Variants in FAM168A observed in about 807,000 individuals in gnomAD.
FAM168A encodes family with sequence similarity 168 member A.
A neutral mutation model predicts 28.5 loss-of-function variants in FAM168A; 3 were observed. The observed-to-expected ratio is 0.11, with a 90% CI of 0.05 to 0.27. The LOEUF (loss-of-function observed/expected upper bound fraction) is 0.27, where lower values mean the gene tolerates loss of function less well. Ranked by LOEUF, FAM168A falls within the 10% of genes least tolerant of loss-of-function variation. The pLI, the probability that FAM168A is intolerant of heterozygous loss-of-function variation, is 1.00. For synonymous variants in FAM168A, 122 were observed against 124.2 expected (o/e 0.98, Z 0.12); for missense variants, 222 against 311.5 (o/e 0.71, Z 2.16).
chr11:73,431,071 C>T (rs1231859220), intron 2 of FAM168A, among the ~76,000 whole-genome samples: 1 of 152,062 alleles, frequency 6.6e-6, no homozygotes, highest in East Asian at 1.9e-4. Flanking sequence ...TGGCCAGGCA[C>T]GGTGGCTCAT....
intron 1 of FAM168A, among the ~76,000 whole-genome samples, chr11:73,572,445 T>C (rs1590741058): frequency 1.3e-5 from 2 of 151,726 alleles, no homozygotes; most frequent in African/African-American, 2.4e-5. Flanking sequence ...GGGGGAAAGG[T>C]GGGGAAAAGA....
At chr11:73,524,346 T>C (rs1943424116) in intron 1 of FAM168A, among the ~76,000 whole-genome samples, 1 of 152,056 alleles carries the variant, frequency 6.6e-6, no homozygotes, top group Non-Finnish European at 1.5e-5. Flanking sequence ...ATGATTTCTT[T>C]CACTTCATAA....
intron 4 of FAM168A, among the ~76,000 whole-genome samples, chr11:73,419,522 T>C (rs768809402): frequency 5.9e-5 from 9 of 152,206 alleles, no homozygotes; most frequent in Non-Finnish European, 1.2e-4. Flanking sequence ...TAAGAAGCCC[T>C]GTGCTAGAGG....
At chr11:73,409,859 A>T (rs1234113337) in intron 5 of FAM168A, among the ~76,000 whole-genome samples, 198 bp from the exon 6 acceptor site, 3 of 152,214 alleles carry the variant, frequency 2.0e-5, no homozygotes, top group Admixed American at 2.0e-4. Context: ...TGCCTTGCTC[A>T]TAAGGCTGCT....
chr11:73,467,757 G>T (rs1867758037), intron 2 of FAM168A, among the ~76,000 whole-genome samples: 1 of 152,178 alleles, frequency 6.6e-6, no homozygotes, highest in African/African-American at 2.4e-5. Context: ...AACTGGAAAG[G>T]GGAAAAGCAA....
chr11:73,465,981 G>A (rs1198972482), intron 2 of FAM168A, among the ~76,000 whole-genome samples: 1 of 152,122 alleles, frequency 6.6e-6, no homozygotes, highest in Non-Finnish European at 1.5e-5. Context: ...GAGAGAGAGA[G>A]AGAGAAAGAA....
chr11:73,425,038 GAACTGA>G, intron 3 of FAM168A: 3 of 1,530,886 alleles, frequency 2.0e-6, no homozygotes, highest in Non-Finnish European at 2.6e-6. Flanking sequence ...CTGAATGCAG[GAACTGA>G]AACTCTGTTG....
At chr11:73,533,937 T>C (rs923552226) in intron 1 of FAM168A, among the ~76,000 whole-genome samples, 5 of 152,170 alleles carry the variant, frequency 3.3e-5, no homozygotes, top group Non-Finnish European at 7.4e-5. Context: ...TTGGTGGAAT[T>C]ATGAATAAGT....
At chr11:73,493,325 TAC>T (rs1354926133) in intron 1 of FAM168A, among the ~76,000 whole-genome samples, 1 of 152,204 alleles carries the variant, frequency 6.6e-6, no homozygotes, top group Non-Finnish European at 1.5e-5. Flanking sequence ...ACCATACGTA[TAC>T]AGTTATTGCA....
intron 1 of FAM168A, among the ~76,000 whole-genome samples, chr11:73,588,917 C>A (rs933872128): frequency 6.6e-6 from 1 of 152,130 alleles, no homozygotes; most frequent in African/African-American, 2.4e-5. Context: ...CCTGTCCACT[C>A]GCACTTATTC....
At chr11:73,516,599 T>C (rs567599569) in intron 1 of FAM168A, among the ~76,000 whole-genome samples, 1 of 152,308 alleles carries the variant, frequency 6.6e-6, no homozygotes, top group African/African-American at 2.4e-5. Context: ...AAATGTAGAG[T>C]CCTTACCTCC....
intron 1 of FAM168A, among the ~76,000 whole-genome samples, chr11:73,576,513 A>G (rs1184522782): frequency 6.6e-6 from 1 of 152,214 alleles, no homozygotes; most frequent in Non-Finnish European, 1.5e-5. Flanking sequence ...TGAAAACTGA[A>G]TGAGCGGTTA....
At chr11:73,478,171 G>T (rs1867917694) in intron 1 of FAM168A, among the ~76,000 whole-genome samples, 1 of 152,162 alleles carries the variant, frequency 6.6e-6, no homozygotes, top group Non-Finnish European at 1.5e-5. Context: ...GTTTGCATCT[G>T]AACTAGACTG....
intron 1 of FAM168A, among the ~76,000 whole-genome samples, chr11:73,588,401 C>A (rs1284356312): frequency 6.6e-6 from 1 of 152,138 alleles, no homozygotes; most frequent in Non-Finnish European, 1.5e-5. Flanking sequence ...TTCAGAAGAT[C>A]TGCACATGGC....
At chr11:73,480,410 G>T (rs1297151299) in intron 1 of FAM168A, among the ~76,000 whole-genome samples, 1 of 148,808 alleles carries the variant, frequency 6.7e-6, no homozygotes, top group African/African-American at 2.5e-5. Flanking sequence ...TTTTTTTTAA[G>T]AACAAATTTC....
Position 73,436,303 on chromosome 11 carries a change from C to A in FAM168A, c.71-5533G>T, listed in dbSNP as rs1867084878. On this transcript the variant is annotated intron_variant, in intron 2 of 7. Coordinates refer to ENST00000356467, the MANE Select transcript of FAM168A (RefSeq NM_015159.3). ...ATTACTTTCAACAGAAATCAGGGGA[C>A]TATTTCTGAAAATACTTTACCTTTA... Among the ~76,000 whole-genome samples the A allele has an allele frequency of 5.3e-5, 8 of 152,204 alleles. No individual in the cohort carries two copies. In the South Asian group the frequency reaches 1.7e-3, roughly 32 times the overall value.
At chr11:73,527,842 C>A (rs1246673751) in intron 1 of FAM168A, among the ~76,000 whole-genome samples, 1 of 152,116 alleles carries the variant, frequency 6.6e-6, no homozygotes, top group African/African-American at 2.4e-5. Flanking sequence ...CATACAGGCT[C>A]TTTCAGCTCC....
intron 1 of FAM168A, chr11:73,510,914 T>G (rs1257651810): frequency 3.8e-6 from 1 of 260,230 alleles, no homozygotes; most frequent in Non-Finnish European, 7.3e-6. Flanking sequence ...AAAGCGGGAA[T>G]GGAAAAGTTG....
chr11:73,534,559 C>T (rs1378985331), intron 1 of FAM168A, among the ~76,000 whole-genome samples: 2 of 151,994 alleles, frequency 1.3e-5, no homozygotes, highest in South Asian at 2.1e-4. Flanking sequence ...CCCACCACCA[C>T]GCCTGGAAAA....
Sources: allele counts gnomAD v4.1 joint callset (sites outside exome capture counted in the v4.1 genomes callset), GRCh38; gene constraint gnomAD v4.1.1; transcripts MANE v1.5; gene names NCBI Gene and HGNC (gene_info 2026-07-23, HGNC 2026-07-21).